CNTFR: variants seen among roughly 807,000 people sequenced by gnomAD.
The protein encoded by CNTFR is ciliary neurotrophic factor receptor subunit alpha.
Under a neutral mutation model 40.4 loss-of-function variants are expected in CNTFR, and 12 were observed. The observed-to-expected ratio is 0.30, with a 90% confidence interval of 0.19 to 0.48. The LOEUF (loss-of-function observed/expected upper bound fraction) is 0.48. CNTFR is among the 20% of genes least tolerant of loss of function. CNTFR has a pLI of 0.99. For synonymous variants in CNTFR, 202 were observed against 209.6 expected (o/e 0.96, Z 0.31); for missense variants, 414 against 506.8 (o/e 0.82, Z 1.76).
chr9:34,566,676 C>A (rs1170331265), intron 3 of CNTFR, among the ~76,000 whole-genome samples: 1 of 152,128 alleles, frequency 6.6e-6, no homozygotes, highest in East Asian at 1.9e-4. Context: ...GGGGAGGGGG[C>A]GTGGCCATCA....
At chr9:34,563,891 G>C (rs988453905) in intron 4 of CNTFR, among the ~76,000 whole-genome samples, 2 of 152,096 alleles carry the variant, frequency 1.3e-5, no homozygotes, top group Non-Finnish European at 2.9e-5. Context: ...CCTCCACTCA[G>C]AGTGATCTTT....
At chr9:34,562,167 C>T (rs946971127) in intron 4 of CNTFR, among the ~76,000 whole-genome samples, 1 of 152,196 alleles carries the variant, frequency 6.6e-6, no homozygotes, top group Non-Finnish European at 1.5e-5. Flanking sequence ...ACTGAGAAGA[C>T]AGGGATGTGG....
At chr9:34,561,726 TTC>T (rs574158670) in intron 4 of CNTFR, among the ~76,000 whole-genome samples, 17 of 152,372 alleles carry the variant, frequency 1.1e-4, no homozygotes, top group African/African-American at 3.8e-4. Context: ...CTCTGTCCTG[TTC>T]TCTGAGAGCT....
chr9:34,566,030 T>C lies in CNTFR; in HGVS notation c.86-1198A>G, dbSNP rs73486527. ...CCACCCTGCTGAGTTGGGGGATTTT[T>C]AGAGGCAATTCCTGTTAACGAGCCA... On this transcript the variant is annotated intron_variant, in intron 3 of 9. Transcript: ENST00000378980. Among the ~76,000 whole-genome samples the C allele has an allele frequency of 5.3e-3, 808 of 152,166 alleles. 8 individuals are homozygous for C. Among genetic ancestry groups the C allele is most frequent in the African/African-American group, 0.019 (768 of 41,508 alleles).
At chr9:34,555,357 G>T (rs574642818) in intron 7 of CNTFR, among the ~76,000 whole-genome samples, 30 of 152,186 alleles carry the variant, frequency 2.0e-4, no homozygotes, top group Admixed American at 7.2e-4. Context: ...GGTAGATGAG[G>T]TGGGGGTACA....
intron 4 of CNTFR, among the ~76,000 whole-genome samples, chr9:34,563,534 C>T (rs1826155474): frequency 6.6e-6 from 1 of 152,242 alleles, no homozygotes; most frequent in Admixed American, 6.5e-5. Context: ...TTTCCCATTC[C>T]TTCACGGTAT....
chr9:34,577,154 G>C (rs1027872730), intron 2 of CNTFR, among the ~76,000 whole-genome samples: 1 of 152,196 alleles, frequency 6.6e-6, no homozygotes, highest in Non-Finnish European at 1.5e-5. Flanking sequence ...AGGAGTAGAC[G>C]CGGAGTCGCT....
At chr9:34,583,693 G>A (rs375379751) in intron 1 of CNTFR, among the ~76,000 whole-genome samples, 25 of 151,870 alleles carry the variant, frequency 1.6e-4, no homozygotes, top group Non-Finnish European at 2.4e-4. Context: ...GTTTCTAATC[G>A]TTGGGGCCTG....
chr9:34,556,334 G>A lies in CNTFR; in HGVS notation c.689C>T (p.Ser230Leu), dbSNP rs1427918883. The change falls in exon 7 of 10, where the codon TCG becomes TTG. Residue 230 changes from serine (S) to leucine (L), a missense_variant. By Grantham distance (145) the Ser-to-Leu change is moderately radical. Transcript: ENST00000378980. ...AAAAGACTCAGGGTCAGGCCAGGTCGAGGGGGTCTGCCACGTCACCTCCAG... is the reference window on the plus strand; with the variant it reads ...AAAAGACTCAGGGTCAGGCCAGGTCAAGGGGGTCTGCCACGTCACCTCCAG... ...RRLEVTWQTPSTWPDPESFPL... is the reference protein window; with the variant it reads ...RRLEVTWQTPLTWPDPESFPL... The A allele has an allele frequency of 3.7e-6, 6 of 1,613,858 alleles. No individual in the cohort carries two copies. Among genetic ancestry groups the A allele is most frequent in the East Asian group, 2.2e-5 (1 of 44,874 alleles).
At chr9:34,579,549 AGGGC>A (rs1827182651) in intron 2 of CNTFR, among the ~76,000 whole-genome samples, 13 of 151,896 alleles carry the variant, frequency 8.6e-5, no homozygotes, top group Admixed American at 4.6e-4. Context: ...TAAGACACTG[AGGGC>A]GAGGCTCCCA....
chr9:34,577,078 A>G (rs1587161952), intron 2 of CNTFR, among the ~76,000 whole-genome samples: 1 of 152,170 alleles, frequency 6.6e-6, no homozygotes, highest in Non-Finnish European at 1.5e-5. Context: ...GTGCTCCTCT[A>G]ACTAACCACT....
intron 2 of CNTFR, among the ~76,000 whole-genome samples, chr9:34,575,467 G>A (rs1470820851): frequency 2.6e-5 from 4 of 152,028 alleles, no homozygotes; most frequent in African/African-American, 7.3e-5. Flanking sequence ...AGCGGACGCC[G>A]GGGACAGGAA....
intron 1 of CNTFR, among the ~76,000 whole-genome samples, chr9:34,582,117 T>C (rs1827320763): frequency 6.6e-6 from 1 of 151,600 alleles, no homozygotes; most frequent in Non-Finnish European, 1.5e-5. Context: ...CTACCAAAAA[T>C]ACAAAAAATT....
chr9:34,579,647 GAAAC>G (rs1051482156), intron 2 of CNTFR, among the ~76,000 whole-genome samples: 4 of 151,986 alleles, frequency 2.6e-5, no homozygotes, highest in African/African-American at 4.8e-5. Flanking sequence ...CTGAGGAGCA[GAAAC>G]AAACAAACAA....
intron 2 of CNTFR, among the ~76,000 whole-genome samples, chr9:34,577,707 C>A (rs1485980345): frequency 6.6e-6 from 1 of 152,200 alleles, no homozygotes; most frequent in Non-Finnish European, 1.5e-5. Flanking sequence ...ACAGCCAGAG[C>A]CCCCTCCCCT....
In CNTFR at chr9:34,554,866, C is replaced by A. The variant is rs1028461006; in HGVS notation, c.768+1389G>T. 7.6e-4 allele frequency among the ~76,000 whole-genome samples: 115 copies of A among 152,244 alleles called. 1 individual carries two copies. Among genetic ancestry groups the A allele is most frequent in the African/African-American group, 2.4e-3 (101 of 41,470 alleles). On this transcript the variant is annotated intron_variant, in intron 7 of 9. Coordinates refer to ENST00000378980, the MANE Select transcript of CNTFR (RefSeq NM_147164.3). ...TGAAAAGAACCATAAATCTAACCAA[C>A]CCCAGTGCCAGTGAGTCACAGAATG...
chr9:34,562,738 G>C (rs149549105), intron 4 of CNTFR, among the ~76,000 whole-genome samples: 430 of 152,298 alleles, frequency 2.8e-3, no homozygotes, highest in Non-Finnish European at 4.9e-3. Context: ...AAGAAATGAA[G>C]AAATGGAACT....
At position 34,557,515 on chromosome 9, in the gene CNTFR, G is replaced by A. The variant is rs746284896; in HGVS notation, c.604+11C>T. ...GAGTAGGCAGCAGGTCCCCCCAACC[G>A]CCACACGTACCAATGGTGAACTCGT... On this transcript the variant is annotated intron_variant, in intron 6 of 9. Coordinates refer to ENST00000378980, the MANE Select transcript of CNTFR (RefSeq NM_147164.3). The surrounding 1 kb of genome is among the most constrained non-coding windows in gnomAD (Gnocchi z 4.2). The A allele has an allele frequency of 2.2e-5, 35 of 1,609,118 alleles. No homozygotes were observed. Among genetic ancestry groups the A allele is most frequent in the Admixed American group, 5.0e-5 (3 of 59,904 alleles).
Position 34,553,268 on chromosome 9 carries a change from C to T in CNTFR, c.769-414G>A, listed in dbSNP as rs560505601. 1.2e-4 allele frequency among the ~76,000 whole-genome samples: 18 copies of T among 152,212 alleles called. No individual in the cohort carries two copies. The East Asian group carries it at 3.1e-3, about 26-fold the overall frequency. The stretch of plus-strand genomic sequence containing the variant: ...AGATGGTAATGCTGTCCTCCTCTCC[C>T]ACCAGGAAGCCACAGAGAGGGGAGG... On this transcript the variant is annotated intron_variant, in intron 7 of 9. Transcript: ENST00000378980.
Sources: gnomAD v4.1 joint callset for allele counts (sites outside exome capture counted in the v4.1 genomes callset) on GRCh38, gnomAD v4.1.1 for gene constraint, Gnocchi (gnomAD v3.1) non-coding constraint, MANE v1.5 for transcripts, NCBI Gene and HGNC (gene_info 2026-07-23, HGNC 2026-07-21) for gene names.